MAEA: variants seen among roughly 807,000 people sequenced by gnomAD.
MAEA encodes macrophage erythroblast attacher, E3 ubiquitin ligase, also known as E3 ubiquitin-protein transferase MAEA.
MAEA carries 22 observed loss-of-function variants against 46.2 expected under a neutral mutation model. The ratio of observed to expected loss-of-function variants is 0.48; its 90% confidence interval spans 0.34 to 0.68. The LOEUF (loss-of-function observed/expected upper bound fraction) is 0.68, where lower values mean the gene tolerates loss of function less well. Among genes scored for constraint, MAEA ranks in the 30% least tolerant of loss-of-function variants. The pLI is 0.01. For synonymous variants in MAEA, 246 were observed against 222.6 expected, an observed-to-expected ratio of 1.11 and a Z score of -0.94; for missense variants, 393 against 558.1, an observed-to-expected ratio of 0.70 and a Z score of 2.98.
At chr4:1,296,335 C>A (rs1734697625) in intron 1 of MAEA, among the ~76,000 whole-genome samples, 2 of 28,608 alleles carry the variant, frequency 7.0e-5, no homozygotes, top group Non-Finnish European at 1.7e-4. Context: ...CCTATGCTAC[C>A]CTCACCTGTG....
intron 1 of MAEA, among the ~76,000 whole-genome samples, chr4:1,305,104 C>T (rs2108885851): frequency 6.6e-6 from 1 of 152,274 alleles, no homozygotes; most frequent in Admixed American, 6.5e-5. Context: ...TTCTATTTCC[C>T]ATGCTTTTGT....
Position 1,336,906 on chromosome 4 carries a change from C to A in MAEA, c.811C>A (p.Arg271=). 6.2e-7 allele frequency: 1 copy of A among 1,614,014 alleles called. No homozygotes were observed. Among genetic ancestry groups the A allele is most frequent in the African/African-American group, 1.3e-5 (1 of 75,028 alleles). ...GTGGCGGATGCTGATCCAGCAGTTC[C>A]GGTACGACAACTACCGACTACACCA... ...ARWRMLIQQF[R]YDNYRLHQLG... is the part of the protein sequence containing the mutation. The change falls in exon 7 of 9, where the codon CGG becomes AGG. Residue 271 remains arginine, a synonymous_variant. Coordinates refer to ENST00000303400, the MANE Select transcript of MAEA (RefSeq NM_001017405.3).
At chr4:1,330,056 T>C in intron 5 of MAEA, 1 of 985,564 alleles carries the variant, frequency 1.0e-6, no homozygotes, top group South Asian at 4.7e-5. Context: ...GGGGGCCTCG[T>C]TGGCTGGGGT....
chr4:1,326,399 G>A (rs988311409), intron 4 of MAEA, among the ~76,000 whole-genome samples: 2 of 152,190 alleles, frequency 1.3e-5, no homozygotes, highest in African/African-American at 2.4e-5. Context: ...GAAACCACAC[G>A]GAAGATCTTA....
chr4:1,338,411 C>T lies in MAEA; in HGVS notation c.900-11C>T. On this transcript the variant is annotated splice_polypyrimidine_tract_variant and intron_variant, in intron 7 of 8. Coordinates refer to ENST00000303400, the MANE Select transcript of MAEA (RefSeq NM_001017405.3). ...GAGTGGCCCCCAACCCTTCCTTGAC[C>T]CGATGCTCAGACAGTGCTACAAGGA... 4.4e-6 allele frequency: 7 copies of T among 1,604,690 alleles called. No homozygotes were observed. Among genetic ancestry groups the T allele is most frequent in the Non-Finnish European group, 6.0e-6 (7 of 1,173,576 alleles).
rs1712834114 is a variant in MAEA at position 1,336,856 on chromosome 4, TC to T, written c.766-3del. The T allele has an allele frequency of 6.2e-7, 1 of 1,613,046 alleles. No homozygotes were observed. The highest frequency in any genetic ancestry group is 1.3e-5 in the African/African-American group (1 of 74,914). ...CCCCAGGACCCTCTGCTCTCTGTCTTCCAGGACCTTCTGGACCCTGCACGGT... is the reference window on the plus strand; with the variant it reads ...CCCCAGGACCCTCTGCTCTCTGTCTTCAGGACCTTCTGGACCCTGCACGGT... On this transcript the variant is annotated splice_polypyrimidine_tract_variant and splice_region_variant and intron_variant, in intron 6 of 8. Transcript: ENST00000303400.
At chr4:1,301,260 G>C (rs561739683) in intron 1 of MAEA, among the ~76,000 whole-genome samples, 2 of 152,216 alleles carry the variant, frequency 1.3e-5, no homozygotes, top group African/African-American at 4.8e-5. Context: ...TGATGGCACC[G>C]TGTGGGGGCA....
chr4:1,298,229 C>G, intron 1 of MAEA: 1 of 377,682 alleles, frequency 2.6e-6, no homozygotes. Context: ...TCACTGTTTC[C>G]TTTCTTTTAC....
intron 1 of MAEA, among the ~76,000 whole-genome samples, chr4:1,296,365 G>GC (rs1313130627): frequency 2.6e-5 from 2 of 75,566 alleles, no homozygotes; most frequent in African/African-American, 6.2e-5. Context: ...CCGCACCTGT[G>GC]CCCCCCTCAC....
At chr4:1,296,613 G>C (rs562540676) in intron 1 of MAEA, among the ~76,000 whole-genome samples, 13 of 139,538 alleles carry the variant, frequency 9.3e-5, no homozygotes, top group African/African-American at 3.7e-4. Context: ...ACGTGGCTCT[G>C]AGTCTTCCTC....
At chr4:1,294,701 G>T (rs1353401766) in intron 1 of MAEA, among the ~76,000 whole-genome samples, 1 of 151,772 alleles carries the variant, frequency 6.6e-6, no homozygotes, top group African/African-American at 2.4e-5. Context: ...TCTACGCTCC[G>T]GTGGGAGGGA....
chr4:1,322,621 T>TGG, intron 4 of MAEA, 118 bp downstream of exon 4: 1 of 1,391,590 alleles, frequency 7.2e-7, no homozygotes, highest in Non-Finnish European at 9.7e-7. Flanking sequence ...GTTTGTAAGG[T>TGG]GGGGGTTGGG....
At chr4:1,334,563 G>C (rs973172380) in intron 6 of MAEA, among the ~76,000 whole-genome samples, 11 of 152,366 alleles carry the variant, frequency 7.2e-5, no homozygotes, top group African/African-American at 2.4e-4. Context: ...CCCATACAGG[G>C]GGCTGAGACT....
chr4:1,326,036 A>G (rs1738768229), intron 4 of MAEA, among the ~76,000 whole-genome samples: 1 of 151,858 alleles, frequency 6.6e-6, no homozygotes, highest in Non-Finnish European at 1.5e-5. Context: ...GAGCCCCTGG[A>G]AGGCAGGTGG....
chr4:1,298,229 C>A (rs893292269), intron 1 of MAEA: 12 of 377,566 alleles, frequency 3.2e-5, no homozygotes, highest in Non-Finnish European at 5.4e-5. Flanking sequence ...TCACTGTTTC[C>A]TTTCTTTTAC....
rs958510789 is a variant in MAEA at position 1,311,381 on chromosome 4, A to C, written c.70-598A>C. On this transcript the variant is annotated intron_variant, in intron 1 of 8. Transcript: ENST00000303400. This position sits in a 1 kb window ranked among gnomAD's most constrained non-coding sequence, Gnocchi z 4.4. ...GGGACAGAAAACTAACAACGACTTT[A>C]AGATTCTCCTTGATTGGCTTATTTC... Among the ~76,000 whole-genome samples, 1 of 152,262 alleles carries C rather than the reference A, an allele frequency of 6.6e-6. No homozygotes were observed. Among genetic ancestry groups the C allele is most frequent in the African/African-American group, 2.4e-5 (1 of 41,472 alleles).
In MAEA at chr4:1,311,887, G is replaced by A. The variant is rs1736546491; in HGVS notation, c.70-92G>A. On this transcript the variant is annotated intron_variant, in intron 1 of 8. Transcript: ENST00000303400. This position sits in a 1 kb window ranked among gnomAD's most constrained non-coding sequence, Gnocchi z 4.4. ...CCTTCTGAGACTTCTGCCTCTACAAGTGCCATGAGGAGACCTGGTGTGTCC... is the reference window on the plus strand; with the variant it reads ...CCTTCTGAGACTTCTGCCTCTACAAATGCCATGAGGAGACCTGGTGTGTCC... 6 of 1,123,184 alleles carry A rather than the reference G, an allele frequency of 5.3e-6. No individual in the cohort carries two copies. Among genetic ancestry groups the A allele is most frequent in the Non-Finnish European group, 7.7e-6 (6 of 775,770 alleles). 69.6% of individuals were successfully genotyped at this position (1,123,184 alleles called of 1,614,324 possible). A position where few individuals can be genotyped will look rare whatever the true frequency, so the allele number is the denominator to read the frequency against.
At chr4:1,329,082 GC>G (rs1232356297) in intron 5 of MAEA, 19 of 985,644 alleles carry the variant, frequency 1.9e-5, no homozygotes, top group African/African-American at 3.5e-5. Context: ...CTCCTTGAGG[GC>G]CCCGGCCACT....
At chr4:1,324,157 CTGGTGT>C (rs1405920483) in intron 4 of MAEA, among the ~76,000 whole-genome samples, 1 of 143,546 alleles carries the variant, frequency 7.0e-6, no homozygotes, top group Non-Finnish European at 1.5e-5. Flanking sequence ...ATGAGTATGT[CTGGTGT>C]TGGATGAAGT....
Sources: gnomAD v4.1 joint callset for allele counts (sites outside exome capture counted in the v4.1 genomes callset) on GRCh38, gnomAD v4.1.1 for gene constraint, Gnocchi (gnomAD v3.1) non-coding constraint, MANE v1.5 for transcripts, NCBI Gene and HGNC (gene_info 2026-07-23, HGNC 2026-07-21) for gene names.